FANK1: variants seen among roughly 807,000 people sequenced by gnomAD.
The protein encoded by FANK1 is fibronectin type III and ankyrin repeat domains 1, also known as fibronectin type 3 and ankyrin repeat domains protein 1.
In FANK1, 44 loss-of-function variants were observed where a neutral mutation model predicts 45.3. The ratio of observed to expected loss-of-function variants is 0.97; its 90% CI spans 0.76 to 1.25. FANK1 has a LOEUF of 1.25. Ranked by LOEUF, FANK1 falls within the 50% of genes most tolerant of loss-of-function variation. FANK1 has a pLI of 0.00. For missense variants in FANK1, 391 were observed against 424.4 expected (o/e 0.92, Z 0.69); for synonymous variants, 149 against 152.5 (o/e 0.98, Z 0.17).
intron 1 of FANK1, among the ~76,000 whole-genome samples, chr10:125,918,573 AAAAAAAAAAAAAAT>A (rs1946653330): frequency 8.3e-6 from 1 of 120,112 alleles, no homozygotes; most frequent in Non-Finnish European, 1.7e-5. Context: ...AAAAAAAAAA[AAAAAAAAAAAAAAT>A]ATATATATAT....
chr10:125,911,047 AAAG>A (rs1279382462), intron 1 of FANK1, among the ~76,000 whole-genome samples: 5 of 152,004 alleles, frequency 3.3e-5, no homozygotes, highest in African/African-American at 9.7e-5. Flanking sequence ...AAAAAAAAAA[AAAG>A]ATGTCCACAT....
At chr10:125,915,312 A>G (rs1946364255) in intron 1 of FANK1, among the ~76,000 whole-genome samples, 1 of 152,172 alleles carries the variant, frequency 6.6e-6, no homozygotes, top group East Asian at 1.9e-4. Flanking sequence ...AGATGTTACA[A>G]CCAGTTCAAA....
chr10:125,957,684 C>T (rs1949667752), intron 1 of FANK1, among the ~76,000 whole-genome samples: 1 of 151,964 alleles, frequency 6.6e-6, no homozygotes, highest in Non-Finnish European at 1.5e-5. Context: ...GGCACCACAC[C>T]CGGCTGATTT....
intron 1 of FANK1, among the ~76,000 whole-genome samples, chr10:125,952,365 G>T (rs983241862): frequency 9.2e-5 from 14 of 152,096 alleles, no homozygotes; most frequent in Admixed American, 8.5e-4. Context: ...TCAGGTCAGG[G>T]TTTAGATGCC....
intron 1 of FANK1, among the ~76,000 whole-genome samples, chr10:125,918,032 A>G (rs1946590973): frequency 6.6e-6 from 1 of 151,694 alleles, no homozygotes; most frequent in Admixed American, 6.6e-5. Flanking sequence ...GTGAATTATG[A>G]TCATGCCACT....
chr10:125,914,413 G>A (rs1946285176), intron 1 of FANK1, among the ~76,000 whole-genome samples: 1 of 152,010 alleles, frequency 6.6e-6, no homozygotes, highest in South Asian at 2.1e-4. Context: ...ATGTTTGCAG[G>A]GAGGACACAT....
chr10:125,896,564 A>T lies in FANK1; in HGVS notation c.-79A>T. ...CACTTCGCCTCCGGGTTGTCAGGGC[A>T]ACCGTAGCGACGCCGGCCCTGGCTG... is the stretch of plus-strand genomic sequence containing the variant. On this transcript the variant is annotated 5_prime_UTR_variant, in exon 1 of 11. Coordinates refer to ENST00000368693, the MANE Select transcript of FANK1 (RefSeq NM_145235.5). 3 of 1,241,816 alleles carry T rather than the reference A, an allele frequency of 2.4e-6. No individual in the cohort carries two copies. Among genetic ancestry groups the T allele is most frequent in the Non-Finnish European group, 3.0e-6 (3 of 990,002 alleles). 76.9% of individuals were successfully genotyped at this position (1,241,816 alleles called of 1,614,324 possible).
intron 3 of FANK1, among the ~76,000 whole-genome samples, chr10:125,990,910 G>T (rs1644870959): frequency 6.6e-6 from 1 of 152,138 alleles, no homozygotes; most frequent in African/African-American, 2.4e-5. Context: ...ATGTGCAGGG[G>T]AATTTCCCTT....
intron 1 of FANK1, among the ~76,000 whole-genome samples, chr10:125,937,932 T>C (rs1480373759): frequency 6.6e-6 from 1 of 152,104 alleles, no homozygotes; most frequent in Non-Finnish European, 1.5e-5. Flanking sequence ...GATTCAAAAC[T>C]AAACATTTAC....
rs1382998918 is a variant in FANK1 at position 125,950,014 on chromosome 10, G to T, written c.14-30147G>T. Among the ~76,000 whole-genome samples the T allele has an allele frequency of 1.9e-4, 24 of 125,082 alleles. 1 individual carries two copies. Among genetic ancestry groups the T allele is most frequent in the Admixed American group, 5.6e-4 (7 of 12,518 alleles). The allele number at this position is 125,082 out of a possible 152,430, so 82.1% of individuals were successfully genotyped here. Reference sequence around the variant, plus strand: ...AAACGTGAGAAAAACAAGCAATGGGGAAAGGATTCCCTATTTAATAAATGG... The same window carrying T: ...AAACGTGAGAAAAACAAGCAATGGGTAAAGGATTCCCTATTTAATAAATGG... On this transcript the variant is annotated intron_variant, in intron 1 of 10. Coordinates refer to ENST00000368693, the MANE Select transcript of FANK1 (RefSeq NM_145235.5).
rs1415334578 is a variant in FANK1, at chr10:125,955,974, C to T, written c.14-24187C>T. Among the ~76,000 whole-genome samples, 3 of 152,262 alleles carry T rather than the reference C, an allele frequency of 2.0e-5. No homozygotes were observed. In the South Asian group the frequency reaches 6.2e-4, roughly 32 times the overall value. ...CTTAATGTTTTGAAAGACTTCTAGT[C>T]AACGGAACTATGACTCATTATCCTG... On this transcript the variant is annotated intron_variant, in intron 1 of 10. Transcript: ENST00000368693.
intron 1 of FANK1, among the ~76,000 whole-genome samples, chr10:125,951,104 G>A (rs1237620930): frequency 2.9e-5 from 3 of 103,518 alleles, no homozygotes; most frequent in Admixed American, 2.6e-4. Context: ...GGGGTGGGGG[G>A]AGGGGGGAGG....
chr10:125,927,924 A>G (rs1947477649), intron 1 of FANK1, among the ~76,000 whole-genome samples: 1 of 152,158 alleles, frequency 6.6e-6, no homozygotes, highest in Admixed American at 6.5e-5. Context: ...CAAGTGCTTT[A>G]TAGAGTGTAC....
At chr10:125,905,132 A>C (rs1272291169) in intron 1 of FANK1, among the ~76,000 whole-genome samples, 69 of 50,672 alleles carry the variant, frequency 1.4e-3, no homozygotes, top group Non-Finnish European at 2.3e-3. Flanking sequence ...CTCTGTCCCA[A>C]AAAAAAAAAA....
rs144686849 is a variant in FANK1, at chr10:125,988,828, G to A, written c.316+153G>A. ...CAATAATATTTGCTAGTTGGGCCTT[G>A]CCATAACTTGTAATGTCAGGGAAGT... On this transcript the variant is annotated intron_variant, in intron 3 of 10. Transcript: ENST00000368693. The A allele has an allele frequency of 3.4e-4, 402 of 1,167,248 alleles. 7 individuals are homozygous for A. The East Asian group carries it at 9.7e-3, about 28-fold the overall frequency. The allele number at this position is 1,167,248 out of a possible 1,614,324, so 72.3% of individuals were successfully genotyped here. A position where few individuals can be genotyped will look rare whatever the true frequency, so the allele number is the denominator to read the frequency against.
rs34132526 is a variant in FANK1, at chr10:125,906,515, C to CAAAAAAAAA, written c.13+9881_13+9889dup. ...TTGGGGACAGAGCAAGACTCTGTCT[C>CAAAAAAAAA]AAAAAAAAAAAAAAAAAAAAAAAAA... On this transcript the variant is annotated intron_variant, in intron 1 of 10. Coordinates refer to ENST00000368693, the MANE Select transcript of FANK1 (RefSeq NM_145235.5). 1.6e-3 allele frequency among the ~76,000 whole-genome samples: 75 copies of CAAAAAAAAA among 46,414 alleles called. 1 individual carries two copies. Among genetic ancestry groups the CAAAAAAAAA allele is most frequent in the African/African-American group, 3.9e-3 (53 of 13,426 alleles). 30.4% of individuals were successfully genotyped at this position (46,414 alleles called of 152,430 possible).
chr10:125,981,919 A>G (rs960832852), intron 2 of FANK1, among the ~76,000 whole-genome samples: 1 of 152,220 alleles, frequency 6.6e-6, no homozygotes, highest in Admixed American at 6.5e-5. Flanking sequence ...ATAAATATGT[A>G]TATAATCTGT....
chr10:125,942,814 T>C, intron 1 of FANK1, among the ~76,000 whole-genome samples: 1 of 129,120 alleles, frequency 7.7e-6, no homozygotes, highest in South Asian at 2.3e-4. Context: ...TATAATTTGC[T>C]TTTTTTTTTT....
intron 1 of FANK1, among the ~76,000 whole-genome samples, chr10:125,921,402 A>G (rs1460760522): frequency 6.6e-6 from 1 of 151,990 alleles, no homozygotes; most frequent in African/African-American, 2.4e-5. Context: ...TAAATACTAC[A>G]TGGTTTGCTT....
Sources: gnomAD v4.1 joint callset for allele counts (sites outside exome capture counted in the v4.1 genomes callset) on GRCh38, gnomAD v4.1.1 for gene constraint, MANE v1.5 for transcripts, NCBI Gene and HGNC (gene_info 2026-07-23, HGNC 2026-07-21) for gene names.